BTBD9: variants seen among roughly 807,000 people sequenced by gnomAD.
BTBD9 encodes BTB domain containing 9.
A neutral mutation model predicts 64.3 loss-of-function variants in BTBD9; 49 were observed. That is an observed-to-expected ratio of 0.76 (90% confidence interval 0.61 to 0.97). BTBD9 has a LOEUF of 0.97. BTBD9 is among the 50% of genes least tolerant of loss of function. BTBD9 has a pLI of 0.00. For synonymous variants in BTBD9, 260 were observed against 274.7 expected, an observed-to-expected ratio of 0.95 and a Z score of 0.53; for missense variants, 598 against 762.1, an observed-to-expected ratio of 0.78 and a Z score of 2.53.
At chr6:38,231,921 G>C (rs912222813) in intron 9 of BTBD9, among the ~76,000 whole-genome samples, 3 of 152,206 alleles carry the variant, frequency 2.0e-5, no homozygotes, top group African/African-American at 7.2e-5. Flanking sequence ...TTTGTGAAGA[G>C]AGAACCATGA....
At chr6:38,589,855 C>T (rs1014020166) in intron 4 of BTBD9, among the ~76,000 whole-genome samples, 1 of 152,160 alleles carries the variant, frequency 6.6e-6, no homozygotes, top group African/African-American at 2.4e-5. Flanking sequence ...TCCGGTTGTC[C>T]TCTGTAACTC....
At chr6:38,418,525 T>C (rs1189822892) in intron 6 of BTBD9, among the ~76,000 whole-genome samples, 2 of 152,196 alleles carry the variant, frequency 1.3e-5, no homozygotes, top group African/African-American at 4.8e-5. Context: ...AGGAAAATCT[T>C]CTAATAGAAC....
At chr6:38,319,231 G>C (rs1763139625) in intron 7 of BTBD9, among the ~76,000 whole-genome samples, 1 of 152,150 alleles carries the variant, frequency 6.6e-6, no homozygotes, top group Non-Finnish European at 1.5e-5. Context: ...AGGACCTAAA[G>C]AGCCCACTTG....
rs77654936 is a variant in BTBD9 at position 38,463,445 on chromosome 6, A to G, written c.1154+114155T>C. 1.7e-3 allele frequency among the ~76,000 whole-genome samples: 265 copies of G among 152,364 alleles called. 3 individuals are homozygous for G. Among genetic ancestry groups the G allele is most frequent in the African/African-American group, 6.0e-3 (249 of 41,588 alleles). ...GGAAGACATGAAAGTGGATATCCCC[A>G]ACATAGTCCTGACGTTAGGAGGAGA... is the stretch of plus-strand genomic sequence containing the variant. On this transcript the variant is annotated intron_variant, in intron 6 of 10. Coordinates refer to ENST00000481247, the MANE Select transcript of BTBD9 (RefSeq NM_001099272.2).
At chr6:38,432,622 T>C (rs1768496379) in intron 6 of BTBD9, among the ~76,000 whole-genome samples, 1 of 151,932 alleles carries the variant, frequency 6.6e-6, no homozygotes, top group Non-Finnish European at 1.5e-5. Context: ...GAACCTAAGA[T>C]TGGTCTTCTG....
At chr6:38,570,382 C>T (rs1452594304) in intron 6 of BTBD9, among the ~76,000 whole-genome samples, 1 of 152,160 alleles carries the variant, frequency 6.6e-6, no homozygotes, top group African/African-American at 2.4e-5. Context: ...ACAAATTTAG[C>T]TTTTCTAAGG....
Position 38,194,208 on chromosome 6 carries a change from C to T in BTBD9, c.1563-1611G>A, listed in dbSNP as rs183378914. ...CACAGGCCTAGCTGTCTCTTGCGAG[C>T]CAAGCAGTGGAACTGACCACACACT... is the stretch of plus-strand genomic sequence containing the variant. On this transcript the variant is annotated intron_variant, in intron 9 of 10. Coordinates refer to ENST00000481247, the MANE Select transcript of BTBD9 (RefSeq NM_001099272.2). 1.3e-4 allele frequency among the ~76,000 whole-genome samples: 20 copies of T among 152,164 alleles called. No homozygotes were observed. The East Asian group carries it at 3.3e-3, about 25-fold the overall frequency.
intron 8 of BTBD9, among the ~76,000 whole-genome samples, chr6:38,285,564 G>A (rs1761697953): frequency 6.6e-6 from 1 of 152,114 alleles, no homozygotes; most frequent in Non-Finnish European, 1.5e-5. Flanking sequence ...AATGGAAAAC[G>A]GAGAACATTA....
intron 10 of BTBD9, among the ~76,000 whole-genome samples, chr6:38,191,013 AAC>A (rs1191441024): frequency 6.6e-6 from 1 of 152,254 alleles, no homozygotes; most frequent in Non-Finnish European, 1.5e-5. Flanking sequence ...GCAAATGAAA[AAC>A]AGTTAATTCG....
intron 6 of BTBD9, among the ~76,000 whole-genome samples, chr6:38,359,937 T>C (rs9366957): frequency 0.2 from 29,469 of 145,924 alleles, 3,704 homozygotes; most frequent in East Asian, 0.48. Flanking sequence ...TTACAAATGT[T>C]AGACAAAAAA....
chr6:38,514,200 C>G (rs1034724015), intron 6 of BTBD9, among the ~76,000 whole-genome samples: 5 of 152,148 alleles, frequency 3.3e-5, no homozygotes, highest in African/African-American at 1.2e-4. Context: ...GGGGGTACAA[C>G]CAACACACTC....
At chr6:38,411,045 T>C (rs893686217) in intron 6 of BTBD9, among the ~76,000 whole-genome samples, 1 of 152,076 alleles carries the variant, frequency 6.6e-6, no homozygotes, top group Admixed American at 6.6e-5. Context: ...ATACTCAACC[T>C]GGCCCAAACT....
At chr6:38,400,002 T>A (rs1412132760) in intron 6 of BTBD9, among the ~76,000 whole-genome samples, 1 of 151,844 alleles carries the variant, frequency 6.6e-6, no homozygotes, top group Non-Finnish European at 1.5e-5. Context: ...CCTCAGGTGA[T>A]CCGCCCGCCT....
intron 8 of BTBD9, among the ~76,000 whole-genome samples, chr6:38,273,725 A>G (rs1561956549): frequency 1.3e-5 from 2 of 152,194 alleles, no homozygotes; most frequent in Non-Finnish European, 2.9e-5. Context: ...TGGTTTCATT[A>G]AAGATTCTTA....
intron 6 of BTBD9, among the ~76,000 whole-genome samples, chr6:38,524,948 G>A (rs1452571883): frequency 6.6e-6 from 1 of 152,150 alleles, no homozygotes; most frequent in Non-Finnish European, 1.5e-5. Context: ...TGACTAGCTG[G>A]TTAGTGTCTG....
intron 1 of BTBD9, among the ~76,000 whole-genome samples, chr6:38,627,329 C>T (rs1778201582): frequency 6.6e-6 from 1 of 152,168 alleles, no homozygotes; most frequent in Non-Finnish European, 1.5e-5. Flanking sequence ...AAATCCATGA[C>T]ATGGTGCTCT....
chr6:38,551,244 C>T (rs1453953692), intron 6 of BTBD9, among the ~76,000 whole-genome samples: 1 of 152,168 alleles, frequency 6.6e-6, no homozygotes, highest in Non-Finnish European at 1.5e-5. Context: ...GTTATTCAGA[C>T]TGGTCTGGGA....
chr6:38,231,999 C>A (rs1435227993), intron 9 of BTBD9, among the ~76,000 whole-genome samples: 7 of 152,218 alleles, frequency 4.6e-5, no homozygotes, highest in Non-Finnish European at 1.0e-4. Context: ...GTTTACCACA[C>A]CTCTCTTCCT....
intron 6 of BTBD9, among the ~76,000 whole-genome samples, chr6:38,526,008 G>A (rs1562297257): frequency 6.6e-6 from 1 of 152,222 alleles, no homozygotes; most frequent in Non-Finnish European, 1.5e-5. Flanking sequence ...ATTTGCATAA[G>A]TAAAGAAGAG....
Sources: gnomAD v4.1 joint callset for allele counts (sites outside exome capture counted in the v4.1 genomes callset) on GRCh38, gnomAD v4.1.1 for gene constraint, MANE v1.5 for transcripts, NCBI Gene and HGNC (gene_info 2026-07-23, HGNC 2026-07-21) for gene names.